PPM1L: variants seen among roughly 807,000 people sequenced by gnomAD.
PPM1L encodes the protein protein phosphatase 1L.
PPM1L carries 13 observed loss-of-function variants against 31.4 expected under a neutral mutation model. The observed-to-expected ratio is 0.41, with a 90% CI of 0.27 to 0.66. The LOEUF (loss-of-function observed/expected upper bound fraction) is 0.66, where lower values mean the gene tolerates loss of function less well. Ranked by LOEUF, PPM1L falls within the 30% of genes least tolerant of loss-of-function variation. The pLI is 0.29. For synonymous variants in PPM1L, 184 were observed against 175.4 expected (o/e 1.05, Z -0.39); for missense variants, 326 against 453.7 (o/e 0.72, Z 2.56).
intron 1 of PPM1L, among the ~76,000 whole-genome samples, chr3:160,758,551 G>C (rs1279049809): frequency 6.6e-6 from 1 of 152,174 alleles, no homozygotes; most frequent in Admixed American, 6.5e-5. Flanking sequence ...TGGGTGTGAT[G>C]CATTGGCATA....
chr3:160,776,178 C>T (rs750450554), intron 1 of PPM1L, among the ~76,000 whole-genome samples: 5 of 152,288 alleles, frequency 3.3e-5, no homozygotes, highest in East Asian at 1.9e-4. Context: ...GTAGAATTCT[C>T]ATGTACAAAA....
At chr3:161,068,719 AAGT>A in intron 3 of PPM1L, 89 bp from the exon 4 acceptor site, 1 of 1,035,084 alleles carries the variant, frequency 9.7e-7, no homozygotes, top group South Asian at 1.6e-5. Context: ...AGTTCACATG[AAGT>A]AGGTCACCCT....
At chr3:161,011,017 G>T (rs62282268) in intron 2 of PPM1L, among the ~76,000 whole-genome samples, 33,459 of 151,966 alleles carry the variant, frequency 0.22, 3,992 homozygotes, top group South Asian at 0.3. Context: ...GCTCTTTAGT[G>T]TAATTAGATC....
intron 2 of PPM1L, among the ~76,000 whole-genome samples, chr3:160,963,792 G>A (rs1429414215): frequency 2.6e-5 from 4 of 152,036 alleles, no homozygotes; most frequent in Non-Finnish European, 2.9e-5. Flanking sequence ...CTGTTGTTGA[G>A]CAGCAACAGA....
At chr3:160,955,654 C>CT (rs34686234) in intron 1 of PPM1L, among the ~76,000 whole-genome samples, 48,820 of 134,422 alleles carry the variant, frequency 0.36, 9,219 homozygotes, top group East Asian at 0.65. Context: ...AACAAGTTTT[C>CT]TTTTTTTTTT....
At chr3:160,814,375 G>A (rs1028127948) in intron 1 of PPM1L, among the ~76,000 whole-genome samples, 3 of 152,038 alleles carry the variant, frequency 2.0e-5, no homozygotes, top group Admixed American at 6.6e-5. Context: ...AAAGACACTC[G>A]CACATGCATG....
chr3:161,016,996 T>C (rs1029581304), intron 2 of PPM1L, among the ~76,000 whole-genome samples: 5 of 152,318 alleles, frequency 3.3e-5, no homozygotes, highest in African/African-American at 1.2e-4. Context: ...TTCTTCTTTA[T>C]GCTTATCTTG....
At chr3:160,859,636 A>G (rs1238533129) in intron 1 of PPM1L, among the ~76,000 whole-genome samples, 12 of 152,190 alleles carry the variant, frequency 7.9e-5, no homozygotes, top group Non-Finnish European at 1.8e-4. Flanking sequence ...AGTTAAAGAA[A>G]AGAATGAAAT....
At chr3:160,833,986 A>G (rs1320240369) in intron 1 of PPM1L, among the ~76,000 whole-genome samples, 1 of 150,918 alleles carries the variant, frequency 6.6e-6, no homozygotes, top group East Asian at 1.9e-4. Flanking sequence ...TCCAGTTACA[A>G]ATTTCTGCAT....
At chr3:160,843,468 A>ATATAT (rs1441660092) in intron 1 of PPM1L, among the ~76,000 whole-genome samples, 2 of 106,878 alleles carry the variant, frequency 1.9e-5, no homozygotes, top group Admixed American at 9.5e-5. Flanking sequence ...ATATATATAT[A>ATATAT]TGTTTTTTTT....
chr3:161,063,846 A>T (rs1237219379), intron 2 of PPM1L, among the ~76,000 whole-genome samples: 2 of 152,244 alleles, frequency 1.3e-5, no homozygotes, highest in East Asian at 1.9e-4. Flanking sequence ...GCCATAAAAA[A>T]GGATGAATTC....
chr3:160,902,993 C>T (rs2108055119), intron 1 of PPM1L, among the ~76,000 whole-genome samples: 1 of 152,208 alleles, frequency 6.6e-6, no homozygotes, highest in East Asian at 1.9e-4. Context: ...AGCCCTGCTA[C>T]CTATAAACTG....
chr3:161,007,255 G>C (rs1485449803), intron 2 of PPM1L, among the ~76,000 whole-genome samples: 1 of 152,226 alleles, frequency 6.6e-6, no homozygotes, highest in Non-Finnish European at 1.5e-5. Flanking sequence ...GGAATGCCAG[G>C]ACATAAGTAG....
At chr3:160,828,762 A>C (rs1445619509) in intron 1 of PPM1L, among the ~76,000 whole-genome samples, 1 of 152,054 alleles carries the variant, frequency 6.6e-6, no homozygotes, top group Non-Finnish European at 1.5e-5. Context: ...GACCTCAAGA[A>C]AAGAGAACCT....
intron 1 of PPM1L, among the ~76,000 whole-genome samples, chr3:160,828,349 A>T (rs572000413): frequency 3.9e-5 from 6 of 152,110 alleles, no homozygotes; most frequent in Non-Finnish European, 8.8e-5. Context: ...TGGTGTTTAT[A>T]TGGACAGTGT....
intron 1 of PPM1L, among the ~76,000 whole-genome samples, chr3:160,838,666 T>A (rs1412140736): frequency 6.6e-6 from 1 of 152,200 alleles, no homozygotes; most frequent in Non-Finnish European, 1.5e-5. Flanking sequence ...TAAAGATTAA[T>A]ATAAGAAGTG....
At position 161,075,875 on chromosome 3, in the gene PPM1L, A is replaced by C. The variant is rs1482167087; in HGVS notation, c.*6718A>C. 6.6e-6 allele frequency: 1 copy of C among 152,162 alleles called. No individual in the cohort carries two copies. The highest frequency in any genetic ancestry group is 1.5e-5 in the Non-Finnish European group (1 of 68,018). The allele number at this position is 152,162 out of a possible 1,614,324, so 9.4% of individuals were successfully genotyped here. On this transcript the variant is annotated 3_prime_UTR_variant, in exon 4 of 4. Coordinates refer to ENST00000498165, the MANE Select transcript of PPM1L (RefSeq NM_139245.4). Reference sequence around the variant, plus strand: ...TTTCTGATGAAAATGGATACATGAGATCTCATTTATTGCTCTCCTCAACAC... The same window carrying C: ...TTTCTGATGAAAATGGATACATGAGCTCTCATTTATTGCTCTCCTCAACAC...
At chr3:160,967,100 G>A (rs1716174885) in intron 2 of PPM1L, among the ~76,000 whole-genome samples, 1 of 151,882 alleles carries the variant, frequency 6.6e-6, no homozygotes, top group South Asian at 2.1e-4. Context: ...TTTTGTGGTA[G>A]TGAATAAATC....
intron 2 of PPM1L, among the ~76,000 whole-genome samples, chr3:161,058,286 G>A (rs1719478568): frequency 6.6e-6 from 1 of 150,956 alleles, no homozygotes; most frequent in East Asian, 1.9e-4. Flanking sequence ...CACTACACCT[G>A]GCTAATTTTT....
Sources: allele counts gnomAD v4.1 joint callset (sites outside exome capture counted in the v4.1 genomes callset), GRCh38; gene constraint gnomAD v4.1.1; transcripts MANE v1.5; gene names NCBI Gene and HGNC (gene_info 2026-07-23, HGNC 2026-07-21).